MGAT4A: variants seen among roughly 807,000 people sequenced by gnomAD.
The protein encoded by MGAT4A is N-acetylglucosaminyltransferase IVa.
MGAT4A carries 33 observed loss-of-function variants against 74.1 expected under a neutral mutation model. The ratio of observed to expected loss-of-function variants is 0.45; its 90% confidence interval spans 0.34 to 0.60. The LOEUF is 0.60. MGAT4A is among the 20% of genes least tolerant of loss of function. The probability of loss-of-function intolerance (pLI) is 0.02; values close to 1 mark genes in which losing one functional copy is unlikely to be tolerated. For synonymous variants in MGAT4A, 198 were observed against 210.4 expected (o/e 0.94, Z 0.51); for missense variants, 479 against 628.3 (o/e 0.76, Z 2.54).
intron 2 of MGAT4A, among the ~76,000 whole-genome samples, chr2:98,706,270 G>A (rs1297161630): frequency 6.6e-6 from 1 of 152,122 alleles, no homozygotes; most frequent in Non-Finnish European, 1.5e-5. Context: ...ACTAGAGAAC[G>A]GAATGGTGTA....
intron 2 of MGAT4A, among the ~76,000 whole-genome samples, chr2:98,704,535 G>A (rs1157001900): frequency 6.6e-6 from 1 of 152,144 alleles, no homozygotes; most frequent in Non-Finnish European, 1.5e-5. Context: ...TTGAGCTCAG[G>A]AGCCCGAGGC....
chr2:98,673,741 A>G (rs1249655333), intron 4 of MGAT4A, among the ~76,000 whole-genome samples: 1 of 152,200 alleles, frequency 6.6e-6, no homozygotes. Flanking sequence ...AAACACTTCT[A>G]ATTTCTTTTC....
intron 4 of MGAT4A, among the ~76,000 whole-genome samples, chr2:98,667,524 A>T (rs1163493028): frequency 6.6e-6 from 1 of 152,198 alleles, no homozygotes; most frequent in East Asian, 1.9e-4. Context: ...GCACTGGAGT[A>T]AAGGTGATTC....
rs200645695 is a variant in MGAT4A at position 98,686,550 on chromosome 2, GT to G, written c.95-8080del. On this transcript the variant is annotated intron_variant, in intron 2 of 15. Coordinates refer to ENST00000393487, the MANE Select transcript of MGAT4A (RefSeq NM_012214.3). The stretch of plus-strand genomic sequence containing the variant: ...ACAGGTTTTTTTTTGGTTTTTTGGT[GT>G]TTTTTTTTTTCTGGAGACAGAGTCT... Among the ~76,000 whole-genome samples, 333 of 145,992 alleles carry G rather than the reference GT, an allele frequency of 2.3e-3. 2 individuals are homozygous for G. Among genetic ancestry groups the G allele is most frequent in the East Asian group, 8.3e-3 (42 of 5,030 alleles).
intron 14 of MGAT4A, among the ~76,000 whole-genome samples, chr2:98,631,213 A>ATGGCCAGC (rs1334336130): frequency 2.0e-5 from 3 of 152,194 alleles, no homozygotes; most frequent in Non-Finnish European, 2.9e-5. Flanking sequence ...GTCTCCACTG[A>ATGGCCAGC]TGGCCAGCTG....
chr2:98,625,446 G>C lies in MGAT4A; in HGVS notation c.*120C>G. The stretch of plus-strand genomic sequence containing the variant: ...CACTTTCCAAGTGGAAATGACAATC[G>C]TCTTATCTACAGTAGACTTCACAAG... On this transcript the variant is annotated 3_prime_UTR_variant, in exon 16 of 16. Transcript: ENST00000393487. 1 of 1,496,938 alleles carries C rather than the reference G, an allele frequency of 6.7e-7. No individual in the cohort carries two copies. Among genetic ancestry groups the C allele is most frequent in the Non-Finnish European group, 8.9e-7 (1 of 1,127,964 alleles). 92.7% of individuals were successfully genotyped at this position (1,496,938 alleles called of 1,614,324 possible). A position where few individuals can be genotyped will look rare whatever the true frequency, so the allele number is the denominator to read the frequency against.
rs2104252326 is a variant in MGAT4A at position 98,651,115 on chromosome 2, C to A, written c.774+4330G>T. Among the ~76,000 whole-genome samples the A allele has an allele frequency of 2.0e-5, 3 of 151,486 alleles. No homozygotes were observed. In the East Asian group the frequency reaches 5.8e-4, roughly 29 times the overall value. ...AGAAATTAAGACTTTCCCAGATAAA[C>A]AAAAGCTGAGTGAGTTCATCACCAC... On this transcript the variant is annotated intron_variant, in intron 8 of 15. Coordinates refer to ENST00000393487, the MANE Select transcript of MGAT4A (RefSeq NM_012214.3).
intron 14 of MGAT4A, among the ~76,000 whole-genome samples, chr2:98,626,579 T>C (rs568759833): frequency 2.6e-5 from 4 of 152,268 alleles, no homozygotes; most frequent in South Asian, 4.1e-4. Context: ...ACAGTCCTTG[T>C]GGGCCAAGAG....
intron 2 of MGAT4A, among the ~76,000 whole-genome samples, chr2:98,696,312 G>A (rs1376659927): frequency 1.3e-5 from 2 of 152,184 alleles, no homozygotes; most frequent in East Asian, 3.8e-4. Context: ...AAAAGCACTT[G>A]CCATCTCTGG....
chr2:98,678,858 A>T (rs890435131), intron 2 of MGAT4A, among the ~76,000 whole-genome samples: 1 of 151,882 alleles, frequency 6.6e-6, no homozygotes, highest in Non-Finnish European at 1.5e-5. Flanking sequence ...CCAGATAGAG[A>T]GATGAGGCAA....
At chr2:98,667,141 C>T (rs1304991509) in intron 4 of MGAT4A, among the ~76,000 whole-genome samples, 2 of 152,214 alleles carry the variant, frequency 1.3e-5, no homozygotes, top group Non-Finnish European at 2.9e-5. Flanking sequence ...CTTGCTCCTC[C>T]TTGCCTTCTG....
At chr2:98,651,071 A>G (rs28820082) in intron 8 of MGAT4A, among the ~76,000 whole-genome samples, 6 of 150,670 alleles carry the variant, frequency 4.0e-5, no homozygotes, top group South Asian at 4.2e-4. Flanking sequence ...TCTCAAAAAA[A>G]AAAGAAAGAA....
At chr2:98,698,731 C>T (rs1029188846) in intron 2 of MGAT4A, among the ~76,000 whole-genome samples, 1 of 152,138 alleles carries the variant, frequency 6.6e-6, no homozygotes, top group Non-Finnish European at 1.5e-5. Context: ...TCCAAGCCCA[C>T]TTACTATGAG....
chr2:98,704,569 C>T (rs544648721), intron 2 of MGAT4A, among the ~76,000 whole-genome samples: 87 of 152,162 alleles, frequency 5.7e-4, no homozygotes, highest in African/African-American at 2.0e-3. Context: ...GATCATACCA[C>T]GGTCCTCCAG....
intron 2 of MGAT4A, among the ~76,000 whole-genome samples, chr2:98,679,172 C>T (rs566239665): frequency 0.01 from 1,538 of 152,006 alleles, 18 homozygotes; most frequent in African/African-American, 0.036. Flanking sequence ...TTTGGGAGGC[C>T]GAGGTGGGCG....
chr2:98,684,720 T>C (rs926394207), intron 2 of MGAT4A, among the ~76,000 whole-genome samples: 1 of 152,166 alleles, frequency 6.6e-6, no homozygotes, highest in Non-Finnish European at 1.5e-5. Flanking sequence ...TCACATCTAA[T>C]GTGTGGTGAA....
intron 2 of MGAT4A, among the ~76,000 whole-genome samples, chr2:98,681,552 T>A (rs1702060206): frequency 6.6e-6 from 1 of 152,050 alleles, no homozygotes; most frequent in Admixed American, 6.5e-5. Flanking sequence ...CCAAAACAGA[T>A]CTTTTGAGTT....
chr2:98,702,800 G>A lies in MGAT4A; in HGVS notation c.94+23439C>T, dbSNP rs188455157. Among the ~76,000 whole-genome samples the A allele has an allele frequency of 3.5e-4, 54 of 152,312 alleles. 1 individual carries two copies. The highest frequency in any genetic ancestry group is 1.2e-3 in the African/African-American group (51 of 41,562). On this transcript the variant is annotated intron_variant, in intron 2 of 15. Coordinates refer to ENST00000393487, the MANE Select transcript of MGAT4A (RefSeq NM_012214.3). ...CTTAAAAATAAGAACTAATCAAAAC[G>A]GAAGTACAGAGACATCCAGAGTCAG...
chr2:98,729,882 A>G (rs1189248743), intron 1 of MGAT4A, among the ~76,000 whole-genome samples: 1 of 152,158 alleles, frequency 6.6e-6, no homozygotes, highest in Admixed American at 6.5e-5. Flanking sequence ...ACACACCACA[A>G]TTGTGGCAAA....
Sources: gnomAD v4.1 joint callset for allele counts (sites outside exome capture counted in the v4.1 genomes callset) on GRCh38, gnomAD v4.1.1 for gene constraint, MANE v1.5 for transcripts, NCBI Gene and HGNC (gene_info 2026-07-23, HGNC 2026-07-21) for gene names.